GAB4: variants seen among roughly 807,000 people sequenced by gnomAD.
The protein encoded by GAB4 is GRB2 associated binding protein family member 4, also known as GRB2-associated-binding protein 4.
GAB4 carries 26 observed loss-of-function variants against 51.3 expected under a neutral mutation model. The ratio of observed to expected loss-of-function variants is 0.51; its 90% CI spans 0.37 to 0.70. The LOEUF (loss-of-function observed/expected upper bound fraction) is 0.70, where lower values mean the gene tolerates loss of function less well. Ranked by LOEUF, GAB4 falls within the 30% of genes least tolerant of loss-of-function variation. The pLI is 0.00. For synonymous variants in GAB4, 329 were observed against 291.2 expected, an observed-to-expected ratio of 1.13 and a Z score of -1.32; for missense variants, 759 against 734.6, an observed-to-expected ratio of 1.03 and a Z score of -0.38.
intron 1 of GAB4, among the ~76,000 whole-genome samples, chr22:16,998,067 A>G (rs1396564065): frequency 2.0e-5 from 3 of 152,238 alleles, no homozygotes; most frequent in Admixed American, 6.5e-5. Flanking sequence ...TATAGTTTGA[A>G]GTCAGGTAGC....
chr22:16,991,672 G>C (rs2060915012), intron 2 of GAB4, among the ~76,000 whole-genome samples: 1 of 152,206 alleles, frequency 6.6e-6, no homozygotes, highest in South Asian at 2.1e-4. Context: ...AAAGTGCAGA[G>C]AGCTCAGGGA....
intron 3 of GAB4, among the ~76,000 whole-genome samples, chr22:16,974,857 G>C (rs1159442485): frequency 1.3e-5 from 2 of 152,188 alleles, no homozygotes; most frequent in African/African-American, 4.8e-5. Context: ...GCAGCCCACA[G>C]AGGGTGAGCC....
chr22:16,987,912 A>C, intron 3 of GAB4, 48 bp downstream of exon 3: 1 of 1,427,110 alleles, frequency 7.0e-7, no homozygotes, highest in South Asian at 1.2e-5. Context: ...TGAATAGAAC[A>C]AGACCTTGTG....
At chr22:17,003,995 C>T (rs772385324) in intron 1 of GAB4, among the ~76,000 whole-genome samples, 2 of 152,108 alleles carry the variant, frequency 1.3e-5, no homozygotes, top group South Asian at 2.1e-4. Context: ...AGGGGTATCA[C>T]CGCTGATCCC....
At chr22:16,973,229 C>G (rs1434226142) in intron 3 of GAB4, among the ~76,000 whole-genome samples, 2 of 152,242 alleles carry the variant, frequency 1.3e-5, no homozygotes. Context: ...ATCTTCTCCA[C>G]CAGACTATGA....
In GAB4 at chr22:16,988,116, G is replaced by A; in HGVS notation, c.530C>T (p.Ala177Val). The A allele has an allele frequency of 6.2e-7, 1 of 1,612,492 alleles. No homozygotes were observed. Among genetic ancestry groups the A allele is most frequent in the South Asian group, 1.1e-5 (1 of 90,764 alleles). Residue 177 changes from alanine to valine, a missense_variant, in exon 3 of 10, where the codon GCT (alanine) becomes GTT (valine). Physicochemically the swap from Ala to Val is moderately conservative, Grantham distance 64. Coordinates refer to ENST00000400588, the MANE Select transcript of GAB4 (RefSeq NM_001037814.1). Reference sequence around the variant, plus strand: ...GTGCTGATGGGAGCAGCTGGGCTCAGCTGGAGAAGAGCAGAGGCCGTGACT... The same window carrying A: ...GTGCTGATGGGAGCAGCTGGGCTCAACTGGAGAAGAGCAGAGGCCGTGACT... ...SASHGLCSSPAEPSCSHQHLP... is the reference protein window; with the variant it reads ...SASHGLCSSPVEPSCSHQHLP...
chr22:16,966,262 C>T lies in GAB4; in HGVS notation c.1126G>A (p.Gly376Ser). 6.2e-7 allele frequency: 1 copy of T among 1,614,008 alleles called. No homozygotes were observed. Among genetic ancestry groups the T allele is most frequent in the African/African-American group, 1.3e-5 (1 of 75,026 alleles). The change falls in exon 6 of 10, where the codon GGC (glycine) becomes AGC (serine). Residue 376 changes from glycine (G) to serine (S), a missense_variant. Gly to Ser is a moderately conservative substitution (Grantham distance 56). Coordinates refer to ENST00000400588, the MANE Select transcript of GAB4 (RefSeq NM_001037814.1). ...ATGCAGACACCCTGGGAATCATCGC[C>T]TGCTTGCTTCACAGCCGGCAGGGTA... The part of the protein sequence containing the change: ...SPTLPAVKQA[G>S]DDSQGVCIPV...
In GAB4 at chr22:16,987,973, C is replaced by T; in HGVS notation, c.673G>A (p.Ala225Thr). The change falls in exon 3 of 10, where the codon GCA (alanine) becomes ACA (threonine). Residue 225 changes from alanine (A) to threonine (T), a missense_variant. Ala to Thr is a moderately conservative substitution (Grantham distance 58). Transcript: ENST00000400588. The stretch of plus-strand genomic sequence containing the variant: ...GTAGCCCCCTACCTTGCATGTTCTG[C>T]TCTCTGGCTGGCGTGCTGGTGCGAG... Reference protein sequence around the residue: ...LRSHQHASQRAEHARSASFSQ... With the variant: ...LRSHQHASQRTEHARSASFSQ... 1.2e-6 allele frequency: 2 copies of T among 1,602,354 alleles called. No individual in the cohort carries two copies. The highest frequency in any genetic ancestry group is 1.7e-6 in the Non-Finnish European group (2 of 1,175,532).
chr22:16,982,405 TAAG>T (rs1334316633), intron 3 of GAB4, among the ~76,000 whole-genome samples: 1 of 152,010 alleles, frequency 6.6e-6, no homozygotes, highest in Non-Finnish European at 1.5e-5. Context: ...AAAAAGAAAT[TAAG>T]AAAGCAATCC....
rs5748787 is a variant in GAB4, at chr22:16,993,883, C to T, written c.175-1707G>A. On this transcript the variant is annotated intron_variant, in intron 1 of 9. Transcript: ENST00000400588. ...CCTGATCCGCCTCCACACCCACCAGCCTGCCTGTGCCTATAGCCCTGGACC... is the reference window on the plus strand; with the variant it reads ...CCTGATCCGCCTCCACACCCACCAGTCTGCCTGTGCCTATAGCCCTGGACC... 3.0e-4 allele frequency among the ~76,000 whole-genome samples: 46 copies of T among 152,302 alleles called. 1 individual carries two copies. The East Asian group carries it at 8.7e-3, about 29-fold the overall frequency.
intron 4 of GAB4, among the ~76,000 whole-genome samples, chr22:16,969,325 T>A (rs1601250342): frequency 6.6e-6 from 1 of 152,256 alleles, no homozygotes; most frequent in South Asian, 2.1e-4. Flanking sequence ...ACATACACTA[T>A]GATGATTTAG....
At chr22:16,976,674 C>T (rs769754372) in intron 3 of GAB4, among the ~76,000 whole-genome samples, 12 of 152,228 alleles carry the variant, frequency 7.9e-5, no homozygotes, top group Non-Finnish European at 1.8e-4. Flanking sequence ...GAGAACACCA[C>T]CAAGATACTC....
intron 2 of GAB4, 109 bp from the exon 3 acceptor site, chr22:16,988,276 C>T (rs1297095203): frequency 6.6e-6 from 5 of 756,176 alleles, no homozygotes; most frequent in Non-Finnish European, 1.2e-5. Context: ...CTTCCTCTCA[C>T]ATGCCTGCCT....
intron 1 of GAB4, among the ~76,000 whole-genome samples, chr22:17,006,586 G>A (rs138596453): frequency 0.018 from 2,679 of 152,270 alleles, 33 homozygotes; most frequent in Middle Eastern, 0.054. Flanking sequence ...ATTCACGACA[G>A]CAAAGACTTG....
At position 17,008,087 on chromosome 22, in the gene GAB4, G is replaced by C; in HGVS notation, c.28C>G (p.Arg10Gly). Residue 10 changes from arginine (R) to glycine (G), a missense_variant, in exon 1 of 10, where the codon CGG becomes GGG. Arg to Gly is a moderately radical substitution (Grantham distance 125). Coordinates refer to ENST00000400588, the MANE Select transcript of GAB4 (RefSeq NM_001037814.1). ...GCCGGGTCAGGTGGGCACAGCTCCCGGGAGGGTGAGGGGGACGGCAGGGAC... is the reference window on the plus strand; with the variant it reads ...GCCGGGTCAGGTGGGCACAGCTCCCCGGAGGGTGAGGGGGACGGCAGGGAC... MSLPSPSPS[R>G]ELCPPDPAFA... The C allele has an allele frequency of 1.2e-6, 2 of 1,607,262 alleles. No individual in the cohort carries two copies. The highest frequency in any genetic ancestry group is 1.7e-5 in the Admixed American group (1 of 59,284).
chr22:16,967,571 G>A (rs149361816), intron 5 of GAB4: 1 of 152,420 alleles, frequency 6.6e-6, no homozygotes, highest in Non-Finnish European at 1.5e-5. Flanking sequence ...AAGGTATCAG[G>A]GAGGTATAGG....
intron 1 of GAB4, among the ~76,000 whole-genome samples, chr22:16,997,066 C>A (rs2060956102): frequency 1.3e-5 from 2 of 151,752 alleles, no homozygotes; most frequent in Non-Finnish European, 2.9e-5. Flanking sequence ...TGGTTGGTTC[C>A]AAGTCTTTGC....
chr22:17,007,108 T>A (rs934725343), intron 1 of GAB4, among the ~76,000 whole-genome samples: 1 of 152,170 alleles, frequency 6.6e-6, no homozygotes, highest in African/African-American at 2.4e-5. Flanking sequence ...AGGATCAGCT[T>A]ATTCTGGAAT....
chr22:16,979,397 C>T (rs1409678911), intron 3 of GAB4, among the ~76,000 whole-genome samples: 7 of 151,490 alleles, frequency 4.6e-5, no homozygotes, highest in Admixed American at 1.3e-4. Flanking sequence ...TAGCCAAATC[C>T]TGAGTGAACT....
Sources: gnomAD v4.1 joint callset for allele counts (sites outside exome capture counted in the v4.1 genomes callset) on GRCh38, gnomAD v4.1.1 for gene constraint, MANE v1.5 for transcripts, NCBI Gene and HGNC (gene_info 2026-07-23, HGNC 2026-07-21) for gene names.